NREP: variants seen among roughly 807,000 people sequenced by gnomAD.
NREP encodes neuronal regeneration related protein, also known as neuronal regeneration-related protein.
In NREP, 5 loss-of-function variants were observed where a neutral mutation model predicts 8.6. The ratio of observed to expected loss-of-function variants is 0.58; its 90% CI spans 0.30 to 1.22. The LOEUF (loss-of-function observed/expected upper bound fraction) is 1.22, where lower values mean the gene tolerates loss of function less well. Among genes scored for constraint, NREP ranks in the 50% most tolerant of loss-of-function variants. The probability of loss-of-function intolerance (pLI) is 0.07; values close to 1 mark genes in which losing one functional copy is unlikely to be tolerated. For synonymous variants in NREP, 27 were observed against 28.0 expected, an observed-to-expected ratio of 0.96 and a Z score of 0.11; for missense variants, 86 against 82.5, an observed-to-expected ratio of 1.04 and a Z score of -0.17.
intron 2 of NREP, among the ~76,000 whole-genome samples, chr5:111,849,063 T>C (rs1052084969): frequency 2.6e-5 from 4 of 152,164 alleles, no homozygotes; most frequent in Admixed American, 2.6e-4. Context: ...CTGATAGTTT[T>C]GTGGGTAACA....
At chr5:111,900,117 A>G (rs920831346) in intron 2 of NREP, among the ~76,000 whole-genome samples, 1 of 152,246 alleles carries the variant, frequency 6.6e-6, no homozygotes, top group Admixed American at 6.5e-5. Flanking sequence ...TAATGAAATA[A>G]AACTAGAAAT....
chr5:111,826,012 G>T (rs1752614640), intron 2 of NREP, among the ~76,000 whole-genome samples: 1 of 150,216 alleles, frequency 6.7e-6, no homozygotes, highest in African/African-American at 2.5e-5. Flanking sequence ...GGAATGCAGT[G>T]GCACAGTCTC....
chr5:111,926,879 G>A (rs1755402603), intron 2 of NREP, among the ~76,000 whole-genome samples: 2 of 151,254 alleles, frequency 1.3e-5, no homozygotes, highest in Admixed American at 1.3e-4. Context: ...ATTTCTGCCT[G>A]ACCCACTCCT....
At chr5:111,823,186 A>G (rs1752548763) in intron 2 of NREP, among the ~76,000 whole-genome samples, 1 of 152,212 alleles carries the variant, frequency 6.6e-6, no homozygotes, top group African/African-American at 2.4e-5. Context: ...AGCTCTCACA[A>G]GAACTAATAG....
chr5:111,969,110 G>T (rs1756728832), intron 2 of NREP, among the ~76,000 whole-genome samples: 1 of 152,214 alleles, frequency 6.6e-6, no homozygotes, highest in South Asian at 2.1e-4. Flanking sequence ...ACTAGATGAT[G>T]ATCAAATACT....
chr5:111,892,036 A>G (rs548686864), intron 2 of NREP, among the ~76,000 whole-genome samples: 3 of 152,182 alleles, frequency 2.0e-5, no homozygotes, highest in Non-Finnish European at 4.4e-5. Context: ...CTAGAAAGCA[A>G]TAAGTAGAAA....
intron 2 of NREP, among the ~76,000 whole-genome samples, chr5:111,755,191 T>C (rs1373847946): frequency 1.3e-5 from 2 of 152,348 alleles, no homozygotes; most frequent in Admixed American, 1.3e-4. Flanking sequence ...TACTTTTATT[T>C]AGAGGTTAAC....
At chr5:111,936,891 T>C (rs995031513) in intron 2 of NREP, among the ~76,000 whole-genome samples, 14 of 152,100 alleles carry the variant, frequency 9.2e-5, no homozygotes, top group Non-Finnish European at 1.6e-4. Context: ...AGGTGCTATT[T>C]TCATGCGCAA....
intron 2 of NREP, among the ~76,000 whole-genome samples, chr5:111,765,069 C>T (rs570626670): frequency 4.9e-4 from 74 of 152,106 alleles, no homozygotes; most frequent in African/African-American, 1.8e-3. Flanking sequence ...ATTCTCCAAC[C>T]TTTTGGGCAA....
At chr5:111,791,422 T>C (rs548968859) in intron 2 of NREP, among the ~76,000 whole-genome samples, 1 of 151,806 alleles carries the variant, frequency 6.6e-6, no homozygotes, top group South Asian at 2.1e-4. Flanking sequence ...GTAAGTCTGA[T>C]TTTTTTTTAG....
intron 2 of NREP, among the ~76,000 whole-genome samples, chr5:111,919,205 T>A (rs898871814): frequency 6.6e-6 from 1 of 152,074 alleles, no homozygotes; most frequent in Admixed American, 6.6e-5. Flanking sequence ...AGAATGGCAA[T>A]CATTAGCAAG....
chr5:111,902,921 T>A (rs1373822454), intron 2 of NREP, among the ~76,000 whole-genome samples: 3 of 152,106 alleles, frequency 2.0e-5, no homozygotes, highest in Non-Finnish European at 2.9e-5. Flanking sequence ...AAAAACGACT[T>A]CTTTGATATG....
At position 111,753,386 on chromosome 5, in the gene NREP, TTA is replaced by T. The variant is rs1371670903; in HGVS notation, c.3+2382_3+2383del. On this transcript the variant is annotated intron_variant, in intron 2 of 3. Transcript: ENST00000257435. ...TATATGATATGTAGATATATATAGA[TTA>T]TATATATATTTTATAGATATATAAA... 3.4e-5 allele frequency among the ~76,000 whole-genome samples: 5 copies of T among 147,678 alleles called. No individual in the cohort carries two copies. The East Asian group carries it at 9.8e-4, about 29-fold the overall frequency.
At chr5:111,763,776 T>C (rs78322210) in intron 2 of NREP, among the ~76,000 whole-genome samples, 1 of 145,264 alleles carries the variant, frequency 6.9e-6, no homozygotes, top group Admixed American at 6.9e-5. Context: ...GTGTGTGTGT[T>C]TGTGTGTGCG....
intron 2 of NREP, among the ~76,000 whole-genome samples, chr5:111,853,970 G>A (rs780830059): frequency 6.6e-6 from 1 of 152,042 alleles, no homozygotes; most frequent in African/African-American, 2.4e-5. Flanking sequence ...ACATGCAACA[G>A]CCAATTAAAT....
chr5:111,790,326 C>T (rs1260048282), intron 2 of NREP, among the ~76,000 whole-genome samples: 2 of 139,264 alleles, frequency 1.4e-5, no homozygotes. Context: ...GAATCTTCAC[C>T]CTATACTTCA....
chr5:111,906,365 G>T (rs1185560686), intron 2 of NREP, among the ~76,000 whole-genome samples: 4 of 152,022 alleles, frequency 2.6e-5, no homozygotes, highest in Non-Finnish European at 5.9e-5. Context: ...TTACGAAATT[G>T]ATGGCAAGTA....
chr5:111,942,069 G>A (rs2112618006), intron 2 of NREP, among the ~76,000 whole-genome samples: 2 of 151,940 alleles, frequency 1.3e-5, no homozygotes, highest in East Asian at 1.9e-4. Flanking sequence ...CTCAAAGATC[G>A]ATTCCATGAG....
At chr5:111,812,284 CTCAA>C (rs1034515244) in intron 2 of NREP, among the ~76,000 whole-genome samples, 7 of 149,426 alleles carry the variant, frequency 4.7e-5, no homozygotes, top group Non-Finnish European at 8.9e-5. Flanking sequence ...GAGACCCTGT[CTCAA>C]ACAAACAAAC....
Sources: gnomAD v4.1 joint callset for allele counts (sites outside exome capture counted in the v4.1 genomes callset) on GRCh38, gnomAD v4.1.1 for gene constraint, MANE v1.5 for transcripts, NCBI Gene and HGNC (gene_info 2026-07-23, HGNC 2026-07-21) for gene names.